THOC7: variants seen among roughly 807,000 people sequenced by gnomAD.
THOC7 encodes the protein THO complex subunit 7.
A neutral mutation model predicts 33.1 loss-of-function variants in THOC7; 22 were observed. The ratio of observed to expected loss-of-function variants is 0.66; its 90% CI spans 0.47 to 0.95. The LOEUF is 0.95. Ranked by LOEUF, THOC7 falls within the 40% of genes least tolerant of loss-of-function variation. The probability of loss-of-function intolerance (pLI) is 0.00; values close to 1 mark genes in which losing one functional copy is unlikely to be tolerated. For synonymous variants in THOC7, 77 were observed against 76.8 expected (o/e 1.00, Z -0.01); for missense variants, 184 against 245.3 (o/e 0.75, Z 1.67).
At chr3:63,835,499 T>G (rs991013115) in intron 5 of THOC7, 109 bp from the exon 6 acceptor site, 4 of 888,426 alleles carry the variant, frequency 4.5e-6, no homozygotes, top group Non-Finnish European at 6.9e-6. Context: ...AAAAAAGGGC[T>G]TATAAGGAGT....
intron 1 of THOC7, among the ~76,000 whole-genome samples, chr3:63,843,243 C>T (rs1208488873): frequency 6.6e-6 from 1 of 152,084 alleles, no homozygotes; most frequent in Non-Finnish European, 1.5e-5. Context: ...CTCAGCCTTC[C>T]GAGCAGCTGG....
At position 63,834,040 on chromosome 3, in the gene THOC7, CTT is replaced by C; in HGVS notation, c.*90_*91del. ...AAAACAGAGTATTTTACTGCCAAAA[CTT>C]TAAATATCTCAAGAGCATACCACAT... On this transcript the variant is annotated 3_prime_UTR_variant, in exon 8 of 8. Coordinates refer to ENST00000295899, the MANE Select transcript of THOC7 (RefSeq NM_025075.4). 1.5e-6 allele frequency: 2 copies of C among 1,306,342 alleles called. No homozygotes were observed. The highest frequency in any genetic ancestry group is 2.1e-6 in the Non-Finnish European group (2 of 936,940). 80.9% of individuals were successfully genotyped at this position (1,306,342 alleles called of 1,614,324 possible).
intron 1 of THOC7, among the ~76,000 whole-genome samples, chr3:63,841,195 G>A (rs1435825926): frequency 2.0e-5 from 3 of 152,170 alleles, no homozygotes; most frequent in African/African-American, 7.2e-5. Context: ...CCATATGTGT[G>A]GAAAAAGGAG....
At chr3:63,847,147 A>G (rs1575810117) in intron 1 of THOC7, among the ~76,000 whole-genome samples, 2 of 152,242 alleles carry the variant, frequency 1.3e-5, no homozygotes, top group Admixed American at 1.3e-4. Context: ...CTGCTAAAAA[A>G]AATTTCTAGG....
chr3:63,861,728 GCTC>G (rs1402684059), intron 1 of THOC7: 2 of 151,752 alleles, frequency 1.3e-5, no homozygotes, highest in African/African-American at 4.8e-5. Flanking sequence ...AGGAAACTTA[GCTC>G]CTCATTTTCT....
At chr3:63,837,699 A>C (rs549261353) in intron 4 of THOC7, among the ~76,000 whole-genome samples, 1 of 152,060 alleles carries the variant, frequency 6.6e-6, no homozygotes, top group African/African-American at 2.4e-5. Context: ...CAAGATGGTA[A>C]AAATTTAATA....
At chr3:63,863,817 CGGCGGCG>C, upstream of THOC7, 1 of 1,174,526 alleles carries the variant, frequency 8.5e-7, no homozygotes, top group Non-Finnish European at 1.1e-6. Context: ...GCGGCGGCGG[CGGCGGCG>C]CAAGCTGAGG....
chr3:63,853,230 A>G (rs1461450858), intron 1 of THOC7, among the ~76,000 whole-genome samples: 1 of 151,956 alleles, frequency 6.6e-6, no homozygotes, highest in Non-Finnish European at 1.5e-5. Flanking sequence ...TTGGTTAGGA[A>G]AAAACAGGGG....
chr3:63,836,296 C>T lies in THOC7; in HGVS notation c.410+5G>A. On this transcript the variant is annotated splice_donor_5th_base_variant and intron_variant, in intron 5 of 7. Coordinates refer to ENST00000295899, the MANE Select transcript of THOC7 (RefSeq NM_025075.4). ...GTTCCTTTCAAAGTAAAGCTCTACA[C>T]TTACTTTAATGTCTCATGCCTGTCT... The T allele has an allele frequency of 6.2e-7, 1 of 1,611,894 alleles. No homozygotes were observed. Among genetic ancestry groups the T allele is most frequent in the Non-Finnish European group, 8.5e-7 (1 of 1,178,592 alleles).
chr3:63,855,007 CAAA>C (rs758785703), intron 1 of THOC7, among the ~76,000 whole-genome samples: 1 of 91,548 alleles, frequency 1.1e-5, no homozygotes, highest in Non-Finnish European at 2.3e-5. Context: ...GACTCCGTCT[CAAA>C]AAAAAAAAAA....
chr3:63,849,771 T>G (rs573617192), intron 1 of THOC7, among the ~76,000 whole-genome samples: 34 of 152,228 alleles, frequency 2.2e-4, no homozygotes, highest in Non-Finnish European at 4.4e-4. Flanking sequence ...TTTTCTTTTT[T>G]CTTTTTCTCC....
rs562345461 is a variant in THOC7 at position 63,835,357 on chromosome 3, A to G, written c.444T>C (p.His148=). Residue 148 remains histidine, a synonymous_variant, in exon 6 of 8, where the codon CAT becomes CAC. Transcript: ENST00000295899. ...ELEALGKELE[H]LSHIKESVED... is the part of the protein sequence containing the mutation. ...CAACACTTTCTTTAATGTGTGAAAG[A>G]TGCTCTAATTCTTTTCCCAGAGCCT... The G allele has an allele frequency of 2.5e-6, 4 of 1,613,576 alleles. No individual in the cohort carries two copies. The highest frequency in any genetic ancestry group is 3.4e-6 in the Non-Finnish European group (4 of 1,179,756).
chr3:63,834,962 T>C (rs1331090313), intron 7 of THOC7, among the ~76,000 whole-genome samples, 192 bp downstream of exon 7: 1 of 152,164 alleles, frequency 6.6e-6, no homozygotes, highest in African/African-American at 2.4e-5. Flanking sequence ...TTAAATCCTA[T>C]ATTACTACAA....
At chr3:63,848,312 G>A (rs1420612559) in intron 1 of THOC7, 1 of 151,986 alleles carries the variant, frequency 6.6e-6, no homozygotes, top group East Asian at 1.9e-4. Context: ...TCAGAACCTT[G>A]GCCTCCACAA....
intron 1 of THOC7, among the ~76,000 whole-genome samples, chr3:63,859,241 T>C (rs1702164469): frequency 1.3e-5 from 2 of 152,258 alleles, no homozygotes; most frequent in African/African-American, 2.4e-5. Flanking sequence ...CAACTCAGAA[T>C]GATCTAAAAG....
intron 5 of THOC7, among the ~76,000 whole-genome samples, chr3:63,835,967 G>A (rs933878210): frequency 2.2e-4 from 34 of 151,876 alleles, no homozygotes; most frequent in African/African-American, 7.2e-4. Flanking sequence ...TTTATTATGT[G>A]TCTTTTCACT....
chr3:63,847,558 G>A (rs1160236752), intron 1 of THOC7, among the ~76,000 whole-genome samples: 3 of 152,146 alleles, frequency 2.0e-5, no homozygotes, highest in East Asian at 1.9e-4. Context: ...CCAACAAGGC[G>A]AAACCCTGTT....
intron 1 of THOC7, among the ~76,000 whole-genome samples, chr3:63,844,845 C>G (rs1701852683): frequency 6.6e-6 from 1 of 152,178 alleles, no homozygotes; most frequent in Non-Finnish European, 1.5e-5. Context: ...ATAAATTACC[C>G]ATTCTCTGGT....
chr3:63,863,935 T>A, upstream of THOC7: 2 of 430,294 alleles, frequency 4.6e-6, no homozygotes, highest in Non-Finnish European at 5.9e-6. Flanking sequence ...CTCCGACGCC[T>A]GAGCCGCGCC....
Sources: gnomAD v4.1 joint callset for allele counts (sites outside exome capture counted in the v4.1 genomes callset) on GRCh38, gnomAD v4.1.1 for gene constraint, MANE v1.5 for transcripts, NCBI Gene and HGNC (gene_info 2026-07-23, HGNC 2026-07-21) for gene names.